PHACTR1: variants seen among roughly 807,000 people sequenced by gnomAD.
PHACTR1 encodes phosphatase and actin regulator 1, also known as RPEL repeat containing 1.
PHACTR1 carries 16 observed loss-of-function variants against 69.2 expected under a neutral mutation model. That is an observed-to-expected ratio of 0.23 (90% confidence interval 0.16 to 0.35). The LOEUF (loss-of-function observed/expected upper bound fraction) is 0.35, where lower values mean the gene tolerates loss of function less well. PHACTR1 is among the 10% of genes least tolerant of loss of function. The pLI is 1.00. For missense variants in PHACTR1, 510 were observed against 734.7 expected (o/e 0.69, Z 3.54); for synonymous variants, 312 against 284.5 (o/e 1.10, Z -0.97).
At chr6:12,974,082 C>T (rs767543825) in intron 4 of PHACTR1, among the ~76,000 whole-genome samples, 3 of 151,892 alleles carry the variant, frequency 2.0e-5, no homozygotes, top group East Asian at 1.9e-4. Context: ...CCACCACGCC[C>T]GGCTAATTTT....
At chr6:12,788,646 A>G (rs1291705298) in intron 4 of PHACTR1, among the ~76,000 whole-genome samples, 1 of 152,240 alleles carries the variant, frequency 6.6e-6, no homozygotes, top group Admixed American at 6.5e-5. Context: ...AAGGATATCC[A>G]TAAATCTGAC....
chr6:13,064,265 A>G (rs1808143640), intron 5 of PHACTR1, among the ~76,000 whole-genome samples: 1 of 151,916 alleles, frequency 6.6e-6, no homozygotes, highest in South Asian at 2.1e-4. Context: ...TTTAGGAGAC[A>G]GAACGAGCAA....
intron 4 of PHACTR1, among the ~76,000 whole-genome samples, chr6:12,812,129 C>T (rs879632813): frequency 3.3e-5 from 5 of 152,154 alleles, no homozygotes; most frequent in Non-Finnish European, 7.4e-5. Context: ...CAAAAGAAAA[C>T]CATGTGGCCA....
intron 4 of PHACTR1, among the ~76,000 whole-genome samples, chr6:12,955,861 C>T (rs1329673653): frequency 6.6e-6 from 1 of 152,188 alleles, no homozygotes; most frequent in African/African-American, 2.4e-5. Context: ...CTAACTCCCG[C>T]CTATGACACT....
intron 4 of PHACTR1, among the ~76,000 whole-genome samples, chr6:12,810,630 C>T (rs1382495772): frequency 2.6e-5 from 4 of 152,180 alleles, no homozygotes. Flanking sequence ...AACAAAGGCT[C>T]ATGTTCCGGC....
At chr6:13,128,429 C>T (rs1185161921) in intron 5 of PHACTR1, among the ~76,000 whole-genome samples, 4 of 150,006 alleles carry the variant, frequency 2.7e-5, no homozygotes, top group Non-Finnish European at 5.9e-5. Context: ...TGAAAAATGC[C>T]CCAGAGAAAC....
intron 4 of PHACTR1, among the ~76,000 whole-genome samples, chr6:12,884,554 C>T (rs1783442476): frequency 6.6e-6 from 1 of 152,088 alleles, no homozygotes; most frequent in Non-Finnish European, 1.5e-5. Context: ...GCGCCTGCCA[C>T]CACACCCGGC....
At chr6:12,918,074 T>A (rs1397004718) in intron 4 of PHACTR1, among the ~76,000 whole-genome samples, 1 of 152,216 alleles carries the variant, frequency 6.6e-6, no homozygotes, top group Non-Finnish European at 1.5e-5. Context: ...TTAGCTTTCA[T>A]CCTGTGCTCT....
intron 4 of PHACTR1, among the ~76,000 whole-genome samples, chr6:12,877,145 G>A (rs190865499): frequency 2.0e-5 from 3 of 152,228 alleles, no homozygotes; most frequent in Non-Finnish European, 4.4e-5. Flanking sequence ...TGTTTACTCT[G>A]AGCACCCTGT....
At chr6:13,197,114 C>A (rs1764546004) in intron 7 of PHACTR1, among the ~76,000 whole-genome samples, 1 of 152,194 alleles carries the variant, frequency 6.6e-6, no homozygotes. Context: ...CTCCAAACAA[C>A]CTATGGCAGA....
rs577073698 is a variant in PHACTR1, at chr6:13,141,724, CTT to C, written c.416-18462_416-18461del. Among the ~76,000 whole-genome samples, 57 of 89,804 alleles carry C rather than the reference CTT, an allele frequency of 6.3e-4. 1 individual carries two copies. Among genetic ancestry groups the C allele is most frequent in the African/African-American group, 2.3e-3 (55 of 24,082 alleles). 58.9% of individuals were successfully genotyped at this position (89,804 alleles called of 152,430 possible). On this transcript the variant is annotated intron_variant, in intron 5 of 14. Transcript: ENST00000332995. ...CCACACATGTTTAGATTTCTTCTTT[CTT>C]TTTTTTTTTTTTTTTTTGTTGTGCT...
intron 4 of PHACTR1, among the ~76,000 whole-genome samples, chr6:12,943,840 ATTTAT>A (rs1228645839): frequency 6.6e-6 from 1 of 152,206 alleles, no homozygotes; most frequent in African/African-American, 2.4e-5. Flanking sequence ...GCACATGTAA[ATTTAT>A]TTTATATTTG....
intron 4 of PHACTR1, among the ~76,000 whole-genome samples, chr6:12,950,276 A>G (rs2127552638): frequency 6.6e-6 from 1 of 152,358 alleles, no homozygotes; most frequent in African/African-American, 2.4e-5. Context: ...TTAACTGCTT[A>G]CCTGTCATCT....
intron 8 of PHACTR1, among the ~76,000 whole-genome samples, chr6:13,222,857 C>A (rs994121679): frequency 1.3e-5 from 2 of 152,216 alleles, no homozygotes; most frequent in Admixed American, 1.3e-4. Flanking sequence ...CCCAAAATGT[C>A]AGTCATGCCT....
At chr6:12,830,542 C>T (rs912976344) in intron 4 of PHACTR1, among the ~76,000 whole-genome samples, 19 of 151,524 alleles carry the variant, frequency 1.3e-4, no homozygotes, top group Non-Finnish European at 2.4e-4. Flanking sequence ...GATATACTAA[C>T]TGAAGACTCA....
intron 4 of PHACTR1, among the ~76,000 whole-genome samples, chr6:12,765,090 G>T (rs896015237): frequency 6.6e-6 from 1 of 152,118 alleles, no homozygotes; most frequent in African/African-American, 2.4e-5. Context: ...TGAAGTACCT[G>T]GCGTAGTCAA....
At chr6:12,855,422 A>C (rs1387817331) in intron 4 of PHACTR1, among the ~76,000 whole-genome samples, 1 of 152,220 alleles carries the variant, frequency 6.6e-6, no homozygotes, top group Non-Finnish European at 1.5e-5. Context: ...AATGCACCCT[A>C]GCCTGGGAGA....
intron 4 of PHACTR1, among the ~76,000 whole-genome samples, chr6:13,028,575 G>A (rs566857333): frequency 6.6e-6 from 1 of 152,290 alleles, no homozygotes; most frequent in African/African-American, 2.4e-5. Context: ...TCGGGTCAGC[G>A]TTTTTCAGGC....
At chr6:13,284,256 G>A (rs1210724663) in intron 13 of PHACTR1, among the ~76,000 whole-genome samples, 3 of 152,050 alleles carry the variant, frequency 2.0e-5, no homozygotes, top group Non-Finnish European at 4.4e-5. Flanking sequence ...AGTGGCTCAC[G>A]CCTGTAATCC....
Sources: allele counts gnomAD v4.1 joint callset (sites outside exome capture counted in the v4.1 genomes callset), GRCh38; gene constraint gnomAD v4.1.1; transcripts MANE v1.5; gene names NCBI Gene and HGNC (gene_info 2026-07-23, HGNC 2026-07-21).